CNTN4: variants seen among roughly 807,000 people sequenced by gnomAD.
CNTN4 encodes the protein contactin 4.
CNTN4 carries 77 observed loss-of-function variants against 122.5 expected under a neutral mutation model. The ratio of observed to expected loss-of-function variants is 0.63; its 90% confidence interval spans 0.52 to 0.76. The LOEUF (loss-of-function observed/expected upper bound fraction) is 0.76, where lower values mean the gene tolerates loss of function less well. Among genes scored for constraint, CNTN4 ranks in the 30% least tolerant of loss-of-function variants. CNTN4 has a pLI of 0.00. For synonymous variants in CNTN4, 512 were observed against 447.0 expected (o/e 1.15, Z -1.83); for missense variants, 1,256 against 1,259.1 (o/e 1.00, Z 0.04).
At chr3:2,392,402 C>T (rs1307611012) in intron 3 of CNTN4, among the ~76,000 whole-genome samples, 1 of 152,180 alleles carries the variant, frequency 6.6e-6, no homozygotes, top group Non-Finnish European at 1.5e-5. Context: ...TTAAATGTCT[C>T]TGGTTGGCTT....
rs368738483 is a variant in CNTN4, at chr3:3,009,489, A to G, written c.1487-16613A>G. 2.2e-3 allele frequency among the ~76,000 whole-genome samples: 338 copies of G among 151,754 alleles called. 3 individuals carry two copies. Among genetic ancestry groups the G allele is most frequent in the South Asian group, 0.011 (54 of 4,800 alleles). ...TGCTCTGTCGCCCAGGCTGGAGTGC[A>G]GTGGCGCGATCTCAGCTCACTGCAA... On this transcript the variant is annotated intron_variant, in intron 14 of 24. Coordinates refer to ENST00000418658, the MANE Select transcript of CNTN4 (RefSeq NM_175607.3).
At position 2,484,311 on chromosome 3, in the gene CNTN4, A is replaced by G. The variant is rs2076085369; in HGVS notation, c.-88-87105A>G. Reference sequence around the variant, plus strand: ...GGAACACAGACAACCTGCTAACCTGATAAGACAGTAAGTCCAATTCTATTG... The same window carrying G: ...GGAACACAGACAACCTGCTAACCTGGTAAGACAGTAAGTCCAATTCTATTG... On this transcript the variant is annotated intron_variant, in intron 3 of 24. Transcript: ENST00000418658. 2.6e-5 allele frequency among the ~76,000 whole-genome samples: 4 copies of G among 152,342 alleles called. No individual in the cohort carries two copies. In the South Asian group the frequency reaches 6.2e-4, roughly 24 times the overall value.
chr3:2,589,618 T>C (rs1418268293), intron 4 of CNTN4, among the ~76,000 whole-genome samples: 1 of 152,156 alleles, frequency 6.6e-6, no homozygotes, highest in Admixed American at 6.5e-5. Context: ...TCATGCAAAC[T>C]TTTTGGGTCA....
intron 6 of CNTN4, among the ~76,000 whole-genome samples, chr3:2,758,576 G>C (rs2149671689): frequency 6.7e-6 from 1 of 150,272 alleles, no homozygotes; most frequent in Middle Eastern, 3.4e-3. Flanking sequence ...GCAGTGGCGG[G>C]ATCTCGGCTC....
At chr3:2,819,119 T>G (rs2092806718) in intron 6 of CNTN4, among the ~76,000 whole-genome samples, 2 of 152,228 alleles carry the variant, frequency 1.3e-5, no homozygotes, top group Admixed American at 1.3e-4. Flanking sequence ...CAATGTGATG[T>G]CCTGGCATGA....
At chr3:2,175,693 C>G (rs988545859) in intron 2 of CNTN4, among the ~76,000 whole-genome samples, 1 of 152,038 alleles carries the variant, frequency 6.6e-6, no homozygotes, top group African/African-American at 2.4e-5. Flanking sequence ...GAGGTGGGTC[C>G]CTGTCCCCAA....
chr3:2,175,643 C>T (rs548207905), intron 2 of CNTN4, among the ~76,000 whole-genome samples: 80 of 152,228 alleles, frequency 5.3e-4, no homozygotes, highest in African/African-American at 1.8e-3. Context: ...CTGCTTGATA[C>T]CAGATGACTT....
At chr3:3,009,201 G>A (rs1303304485) in intron 14 of CNTN4, among the ~76,000 whole-genome samples, 1 of 152,190 alleles carries the variant, frequency 6.6e-6, no homozygotes, top group African/African-American at 2.4e-5. Flanking sequence ...ACTTTCCTCG[G>A]AGCATTGCAG....
At chr3:3,033,316 A>C (rs577050717) in intron 16 of CNTN4, among the ~76,000 whole-genome samples, 1 of 152,382 alleles carries the variant, frequency 6.6e-6, no homozygotes, top group African/African-American at 2.4e-5. Context: ...CAGTTCCAGC[A>C]TACAGATTTC....
At chr3:2,194,442 C>T (rs1298966547) in intron 2 of CNTN4, among the ~76,000 whole-genome samples, 1 of 152,070 alleles carries the variant, frequency 6.6e-6, no homozygotes, top group Non-Finnish European at 1.5e-5. Context: ...GCCTGGGTGA[C>T]AGAGTGAGAC....
chr3:2,416,923 G>T (rs1295567444), intron 3 of CNTN4, among the ~76,000 whole-genome samples: 1 of 151,764 alleles, frequency 6.6e-6, no homozygotes, highest in Non-Finnish European at 1.5e-5. Context: ...CAAAGTGCTG[G>T]GATTACACGC....
At chr3:2,941,535 A>G (rs1326407871) in intron 13 of CNTN4, among the ~76,000 whole-genome samples, 1 of 152,154 alleles carries the variant, frequency 6.6e-6, no homozygotes, top group African/African-American at 2.4e-5. Context: ...TCATCACCCC[A>G]TTTATCCTAT....
chr3:2,237,234 A>G lies in CNTN4; in HGVS notation c.-144-101944A>G, dbSNP rs143676937. 2.8e-4 allele frequency among the ~76,000 whole-genome samples: 42 copies of G among 152,158 alleles called. No homozygotes were observed. The East Asian group carries it at 7.9e-3, about 29-fold the overall frequency. On this transcript the variant is annotated intron_variant, in intron 2 of 24. Coordinates refer to ENST00000418658, the MANE Select transcript of CNTN4 (RefSeq NM_175607.3). ...AGATGAAGAGATGTGAATGAAGTAA[A>G]ATGGTCTTGACTTAGTGGTGGATTG...
chr3:2,975,122 C>T (rs1256121773), intron 13 of CNTN4, among the ~76,000 whole-genome samples: 1 of 151,618 alleles, frequency 6.6e-6, no homozygotes, highest in African/African-American at 2.4e-5. Context: ...TGCTTTCAGA[C>T]ACATTAATAG....
chr3:2,576,044 C>T (rs2079661623), intron 4 of CNTN4, among the ~76,000 whole-genome samples: 1 of 151,968 alleles, frequency 6.6e-6, no homozygotes. Flanking sequence ...ACCATGTTAG[C>T]CAGGATGGTC....
In CNTN4 at chr3:2,774,752, A is replaced by G. The variant is rs532638833; in HGVS notation, c.358+29055A>G. ...GGATGACTGTTACAGCAGTTTTGGA[A>G]CCATTGTGTAACTGTATCCCACGAG... On this transcript the variant is annotated intron_variant, in intron 6 of 24. Coordinates refer to ENST00000418658, the MANE Select transcript of CNTN4 (RefSeq NM_175607.3). Among the ~76,000 whole-genome samples, 153 of 152,306 alleles carry G rather than the reference A, an allele frequency of 1.0e-3. 2 individuals carry two copies. The highest frequency in any genetic ancestry group is 3.5e-3 in the African/African-American group (144 of 41,566).
chr3:2,658,797 T>C (rs1025107755), intron 4 of CNTN4, among the ~76,000 whole-genome samples: 2 of 152,146 alleles, frequency 1.3e-5, no homozygotes, highest in Non-Finnish European at 2.9e-5. Context: ...TACTGGGTCT[T>C]AGTTTCAAGC....
In CNTN4 at chr3:2,396,314, A is replaced by C. The variant is rs1215488918; in HGVS notation, c.-89+57081A>C. Among the ~76,000 whole-genome samples the C allele has an allele frequency of 3.3e-5, 5 of 152,246 alleles. No homozygotes were observed. The South Asian group carries it at 1.0e-3, about 32-fold the overall frequency. ...TGCTGGGATTACAGGCATGAGCCAA[A>C]GCGCCCAGCCTAGCCTGTTTTTAAG... On this transcript the variant is annotated intron_variant, in intron 3 of 24. Transcript: ENST00000418658.
intron 2 of CNTN4, among the ~76,000 whole-genome samples, chr3:2,270,801 G>A (rs1476780923): frequency 3.3e-5 from 5 of 152,102 alleles, no homozygotes; most frequent in Admixed American, 2.0e-4. Flanking sequence ...CCATGGCTTA[G>A]TTCCTTCTAT....
Sources: allele counts gnomAD v4.1 joint callset (sites outside exome capture counted in the v4.1 genomes callset), GRCh38; gene constraint gnomAD v4.1.1; transcripts MANE v1.5; gene names NCBI Gene and HGNC (gene_info 2026-07-23, HGNC 2026-07-21).